Variants in JPH3 observed in about 807,000 individuals in gnomAD.
The protein encoded by JPH3 is junctophilin 3.
In JPH3, 11 loss-of-function variants were observed where a neutral mutation model predicts 59.6. The ratio of observed to expected loss-of-function variants is 0.18; its 90% CI spans 0.12 to 0.31. JPH3 has a LOEUF of 0.31. JPH3 is among the 10% of genes least tolerant of loss of function. The probability of loss-of-function intolerance (pLI) is 1.00; values close to 1 mark genes in which losing one functional copy is unlikely to be tolerated. For missense variants in JPH3, 1,202 were observed against 1,105.7 expected (o/e 1.09, Z -1.24); for synonymous variants, 673 against 483.6 (o/e 1.39, Z -5.14).
At chr16:87,609,509 G>A (rs115390093) in intron 1 of JPH3, among the ~76,000 whole-genome samples, 1,698 of 152,238 alleles carry the variant, frequency 0.011, 41 homozygotes, top group African/African-American at 0.039. Context: ...GGCGATCTGC[G>A]TGCCTCGGCC....
chr16:87,681,920 G>C (rs866955818), intron 2 of JPH3, among the ~76,000 whole-genome samples: 1 of 152,142 alleles, frequency 6.6e-6, no homozygotes, highest in Admixed American at 6.5e-5. Flanking sequence ...TTCAGGCCGC[G>C]CATCTTTAGT....
intron 3 of JPH3, among the ~76,000 whole-genome samples, chr16:87,686,061 G>A (rs34877507): frequency 0.14 from 20,352 of 145,870 alleles, 1,546 homozygotes; most frequent in African/African-American, 0.23. Context: ...TGGAGACTCC[G>A]TGGCTGGAGG....
intron 1 of JPH3, among the ~76,000 whole-genome samples, chr16:87,632,892 CAAA>C (rs59476481): frequency 2.3e-5 from 3 of 128,798 alleles, no homozygotes; most frequent in Non-Finnish European, 1.7e-5. Flanking sequence ...GACTCTGTCT[CAAA>C]AAAAAAAAAA....
intron 2 of JPH3, among the ~76,000 whole-genome samples, chr16:87,667,112 C>T (rs985433407): frequency 1.3e-5 from 2 of 152,208 alleles, no homozygotes; most frequent in African/African-American, 2.4e-5. Flanking sequence ...TGGGGGCTGC[C>T]GGCCTCCCTG....
intron 2 of JPH3, among the ~76,000 whole-genome samples, chr16:87,661,354 G>A (rs547546538): frequency 2.0e-5 from 3 of 152,354 alleles, no homozygotes; most frequent in Non-Finnish European, 2.9e-5. Context: ...ATTCACAGAC[G>A]GGTTCTGGGG....
intron 2 of JPH3, among the ~76,000 whole-genome samples, chr16:87,649,398 C>T (rs745972193): frequency 3.2e-4 from 48 of 152,376 alleles, no homozygotes; most frequent in Admixed American, 5.9e-4. Context: ...GCTGCCTGTC[C>T]TGAATGCCTC....
chr16:87,621,257 G>C, intron 1 of JPH3, among the ~76,000 whole-genome samples: 1 of 152,236 alleles, frequency 6.6e-6, no homozygotes, highest in Non-Finnish European at 1.5e-5. Context: ...AGAGTGCCAG[G>C]GCCAGTGCCC....
intron 2 of JPH3, among the ~76,000 whole-genome samples, chr16:87,670,833 C>T (rs1198003678): frequency 6.6e-6 from 1 of 151,858 alleles, no homozygotes; most frequent in Admixed American, 6.6e-5. Flanking sequence ...GGTAGAGATC[C>T]AGGGGCTCTG....
At chr16:87,627,763 G>C (rs982990993) in intron 1 of JPH3, among the ~76,000 whole-genome samples, 2 of 152,234 alleles carry the variant, frequency 1.3e-5, no homozygotes, top group African/African-American at 4.8e-5. Context: ...CAGGATCCGA[G>C]CTCAGATTTG....
chr16:87,642,452 C>G (rs11643437), intron 1 of JPH3, among the ~76,000 whole-genome samples: 106,010 of 152,114 alleles, frequency 0.7, 37,041 homozygotes, highest in South Asian at 0.81. Flanking sequence ...ATTTTTATGT[C>G]AAATCTCTTG....
chr16:87,644,211 CCCT>C (rs2032053445), intron 1 of JPH3, 44 bp from the exon 2 acceptor site: 2 of 1,552,926 alleles, frequency 1.3e-6, no homozygotes, highest in Non-Finnish European at 8.7e-7. Context: ...AGGCTGTGCC[CCCT>C]CCTCTGTCGC....
At chr16:87,604,643 C>T (rs1345483034) in intron 1 of JPH3, 5 of 1,174,326 alleles carry the variant, frequency 4.3e-6, no homozygotes, top group Non-Finnish European at 5.3e-6. Context: ...TGCTCTAGTC[C>T]TCCCCGCCCG....
At chr16:87,640,255 G>C (rs916475916) in intron 1 of JPH3, among the ~76,000 whole-genome samples, 2 of 151,746 alleles carry the variant, frequency 1.3e-5, no homozygotes, top group African/African-American at 4.8e-5. Flanking sequence ...ATTGAACCTG[G>C]GAGGCAAAGG....
chr16:87,633,777 G>A (rs971730201), intron 1 of JPH3, among the ~76,000 whole-genome samples: 1 of 151,976 alleles, frequency 6.6e-6, no homozygotes, highest in East Asian at 1.9e-4. Context: ...CAGCCTGGGC[G>A]ACAGAATGAG....
chr16:87,631,182 A>AATTCTTCCCC (rs2031554906), intron 1 of JPH3, among the ~76,000 whole-genome samples: 1 of 152,094 alleles, frequency 6.6e-6, no homozygotes, highest in African/African-American at 2.4e-5. Context: ...CCTTCTTCCC[A>AATTCTTCCCC]ATTCTTCCCC....
intron 1 of JPH3, among the ~76,000 whole-genome samples, chr16:87,606,893 T>TAGAGGCTG (rs2030540822): frequency 1.3e-5 from 2 of 152,274 alleles, no homozygotes; most frequent in Non-Finnish European, 2.9e-5. Context: ...ATTACAGCCC[T>TAGAGGCTG]TAATTCTTAC....
In JPH3 at chr16:87,697,515, T is replaced by G. The variant is rs576605170; in HGVS notation, c.*855T>G. On this transcript the variant is annotated 3_prime_UTR_variant, in exon 5 of 5. Transcript: ENST00000284262. ...CGCCGGGGCTCTGGGTGTGTGCGCT[T>G]GGCGTGCAGGGTGGACGCGTGGGGT... is the stretch of plus-strand genomic sequence containing the variant. 6.7e-4 allele frequency: 102 copies of G among 152,466 alleles called. No homozygotes were observed. The highest frequency in any genetic ancestry group is 1.2e-3 in the Non-Finnish European group (83 of 68,172). The allele number at this position is 152,466 out of a possible 1,614,324, so 9.4% of individuals were successfully genotyped here.
intron 2 of JPH3, among the ~76,000 whole-genome samples, chr16:87,646,792 C>A (rs187717257): frequency 1.3e-5 from 2 of 152,216 alleles, no homozygotes; most frequent in African/African-American, 4.8e-5. Context: ...TTCATGAGTT[C>A]ATTGGTTCAT....
chr16:87,604,526 G>C (rs2030434428), intron 1 of JPH3: 5 of 1,278,370 alleles, frequency 3.9e-6, no homozygotes, highest in Middle Eastern at 2.4e-4. Flanking sequence ...TGGGTCCTCT[G>C]CCTCCCTCGG....
Sources: gnomAD v4.1 joint callset for allele counts (sites outside exome capture counted in the v4.1 genomes callset) on GRCh38, gnomAD v4.1.1 for gene constraint, MANE v1.5 for transcripts, NCBI Gene and HGNC (gene_info 2026-07-23, HGNC 2026-07-21) for gene names.